The following DYNC1I1 variants were observed in gnomAD, a reference collection of about 807,000 sequenced individuals.
DYNC1I1 encodes the protein cytoplasmic dynein 1 intermediate chain 1.
Under a neutral mutation model 86.6 loss-of-function variants are expected in DYNC1I1, and 43 were observed. The ratio of observed to expected loss-of-function variants is 0.50; its 90% CI spans 0.39 to 0.64. The LOEUF (loss-of-function observed/expected upper bound fraction) is 0.64, where lower values mean the gene tolerates loss of function less well. Among genes scored for constraint, DYNC1I1 ranks in the 30% least tolerant of loss-of-function variants. The pLI is 0.00. For missense variants in DYNC1I1, 604 were observed against 788.8 expected (o/e 0.77, Z 2.81); for synonymous variants, 262 against 283.7 (o/e 0.92, Z 0.77).
At chr7:95,782,071 A>G (rs910902964) in intron 1 of DYNC1I1, among the ~76,000 whole-genome samples, 7 of 152,336 alleles carry the variant, frequency 4.6e-5, no homozygotes, top group Middle Eastern at 3.4e-3. Context: ...TCAGAGGCCC[A>G]TGCTGCATGA....
At chr7:96,042,318 C>T (rs1789075083) in intron 14 of DYNC1I1, among the ~76,000 whole-genome samples, 1 of 152,198 alleles carries the variant, frequency 6.6e-6, no homozygotes, top group South Asian at 2.1e-4. Flanking sequence ...ATACTAAGAA[C>T]TCATGGTGTG....
At chr7:95,793,798 C>T (rs1382668582) in intron 1 of DYNC1I1, among the ~76,000 whole-genome samples, 6 of 152,170 alleles carry the variant, frequency 3.9e-5, no homozygotes, top group Non-Finnish European at 7.3e-5. Flanking sequence ...AACTCGTTTA[C>T]GTAACAGGCA....
At chr7:95,819,137 G>T (rs1223563872) in intron 4 of DYNC1I1, among the ~76,000 whole-genome samples, 1 of 152,126 alleles carries the variant, frequency 6.6e-6, no homozygotes, top group Non-Finnish European at 1.5e-5. Context: ...TGGATTAAAA[G>T]TCTCTTAGGC....
chr7:95,867,509 T>C (rs147682707), intron 5 of DYNC1I1, among the ~76,000 whole-genome samples: 62 of 152,320 alleles, frequency 4.1e-4, no homozygotes, highest in Non-Finnish European at 8.4e-4. Flanking sequence ...CATTGTGCTG[T>C]ATGGTCTCAC....
chr7:95,928,549 G>A (rs1791805965), intron 6 of DYNC1I1, among the ~76,000 whole-genome samples: 1 of 152,108 alleles, frequency 6.6e-6, no homozygotes, highest in Non-Finnish European at 1.5e-5. Flanking sequence ...GGCTGCAGGG[G>A]GAGTATCAGT....
At chr7:96,050,766 T>C (rs559880129) in intron 14 of DYNC1I1, among the ~76,000 whole-genome samples, 1 of 152,326 alleles carries the variant, frequency 6.6e-6, no homozygotes, top group East Asian at 1.9e-4. Flanking sequence ...CATTTTCCTT[T>C]TCTTTGATGA....
chr7:95,842,400 G>C (rs965181997), intron 5 of DYNC1I1, among the ~76,000 whole-genome samples: 1 of 152,188 alleles, frequency 6.6e-6, no homozygotes, highest in Non-Finnish European at 1.5e-5. Flanking sequence ...AAAGTAAACA[G>C]TTCCAGGTGC....
chr7:96,007,823 A>G (rs1013728306), intron 10 of DYNC1I1, among the ~76,000 whole-genome samples: 4 of 152,226 alleles, frequency 2.6e-5, no homozygotes, highest in African/African-American at 7.2e-5. Context: ...AGCAAAGCAT[A>G]TTATAAATGC....
At chr7:95,896,813 TTA>T (rs1446994970) in intron 6 of DYNC1I1, among the ~76,000 whole-genome samples, 1 of 152,222 alleles carries the variant, frequency 6.6e-6, no homozygotes, top group African/African-American at 2.4e-5. Flanking sequence ...TCAATTCTGT[TTA>T]TGTTTTATTT....
At chr7:96,031,005 G>A (rs1794795497) in intron 11 of DYNC1I1, among the ~76,000 whole-genome samples, 1 of 152,176 alleles carries the variant, frequency 6.6e-6, no homozygotes, top group African/African-American at 2.4e-5. Context: ...GGGACATGGT[G>A]TGAAAGACAT....
At chr7:96,015,460 A>G (rs1794378018) in intron 10 of DYNC1I1, among the ~76,000 whole-genome samples, 1 of 152,132 alleles carries the variant, frequency 6.6e-6, no homozygotes, top group South Asian at 2.1e-4. Flanking sequence ...TATGATTGAA[A>G]ATAGTATTTC....
chr7:95,820,793 G>A lies in DYNC1I1; in HGVS notation c.315-7264G>A, dbSNP rs142391751. On this transcript the variant is annotated intron_variant, in intron 4 of 16. Coordinates refer to ENST00000447467, the MANE Select transcript of DYNC1I1 (RefSeq NM_001135556.2). ...GGGTCTCGCTATGTTACCCAGGCTG[G>A]TCTTGAACTCCTGGTCTCAAGTGAT... Among the ~76,000 whole-genome samples the A allele has an allele frequency of 3.8e-3, 583 of 152,324 alleles. 4 individuals are homozygous for A. The highest frequency in any genetic ancestry group is 0.013 in the African/African-American group (553 of 41,576).
At chr7:96,006,418 A>G (rs947454955) in intron 10 of DYNC1I1, among the ~76,000 whole-genome samples, 12 of 152,238 alleles carry the variant, frequency 7.9e-5, no homozygotes, top group African/African-American at 1.7e-4. Flanking sequence ...GATGACCCTT[A>G]CATGTTTTAT....
chr7:96,025,868 CTG>C (rs1288252982), intron 10 of DYNC1I1, among the ~76,000 whole-genome samples: 17 of 151,946 alleles, frequency 1.1e-4, no homozygotes, highest in African/African-American at 3.9e-4. Flanking sequence ...TTGGATTTAG[CTG>C]AAACACAGAA....
intron 10 of DYNC1I1, among the ~76,000 whole-genome samples, chr7:95,998,086 T>C (rs1301886472): frequency 1.3e-5 from 2 of 152,228 alleles, no homozygotes; most frequent in African/African-American, 4.8e-5. Context: ...TACGTGTTTC[T>C]GTATTTTAAA....
chr7:95,780,141 T>A (rs952834211), intron 1 of DYNC1I1, among the ~76,000 whole-genome samples: 4 of 152,192 alleles, frequency 2.6e-5, no homozygotes, highest in Admixed American at 6.5e-5. Context: ...TATTTTATTC[T>A]AATGTCCAAA....
intron 5 of DYNC1I1, among the ~76,000 whole-genome samples, chr7:95,853,710 T>G (rs922393861): frequency 1.3e-5 from 2 of 152,174 alleles, no homozygotes; most frequent in African/African-American, 4.8e-5. Context: ...TTATGTGTCT[T>G]TATTGATTTT....
At chr7:95,805,324 T>C (rs945155337) in intron 2 of DYNC1I1, among the ~76,000 whole-genome samples, 1 of 152,150 alleles carries the variant, frequency 6.6e-6, no homozygotes, top group African/African-American at 2.4e-5. Flanking sequence ...TAGAAAACTA[T>C]GCCAATGGAT....
intron 10 of DYNC1I1, among the ~76,000 whole-genome samples, chr7:96,022,637 A>C (rs1794581537): frequency 6.6e-6 from 1 of 152,006 alleles, no homozygotes; most frequent in Non-Finnish European, 1.5e-5. Flanking sequence ...TTGAGGCAGG[A>C]AGATTGCTTG....
Sources: allele counts gnomAD v4.1 joint callset (sites outside exome capture counted in the v4.1 genomes callset), GRCh38; gene constraint gnomAD v4.1.1; transcripts MANE v1.5; gene names NCBI Gene and HGNC (gene_info 2026-07-23, HGNC 2026-07-21).